The following ZNF841 variants were observed in gnomAD, a reference collection of about 807,000 sequenced individuals.
The protein encoded by ZNF841 is TCONS_00006091.
Under a neutral mutation model 13.0 loss-of-function variants are expected in ZNF841, and 11 were observed. The observed-to-expected ratio is 0.85, with a 90% CI of 0.53 to 1.40. The LOEUF is 1.40. Ranked by LOEUF, ZNF841 falls within the 40% of genes most tolerant of loss-of-function variation. The pLI is 0.00. For missense variants in ZNF841, 1,068 were observed against 1,139.5 expected, an observed-to-expected ratio of 0.94 and a Z score of 0.90; for synonymous variants, 369 against 381.6, an observed-to-expected ratio of 0.97 and a Z score of 0.38.
Position 52,077,081 on chromosome 19 carries a change from A to T in ZNF841, c.19T>A (p.Ser7Thr). The part of the protein sequence containing the change: MALPQG[S>T]LTFRDVAVEF... ...ACAGCCACATCCCTGAATGTCAAAG[A>T]TCCCTGAAATGAAAAACACATTTCA... Residue 7 changes from serine (S) to threonine (T), a missense_variant, in exon 5 of 7, where the codon TCT (serine) becomes ACT (threonine). Physicochemically the swap from Ser to Thr is moderately conservative, Grantham distance 58. Transcript: ENST00000594440. 6.2e-7 allele frequency: 1 copy of T among 1,607,576 alleles called. No individual in the cohort carries two copies. The highest frequency in any genetic ancestry group is 8.5e-7 in the Non-Finnish European group (1 of 1,177,374).
At chr19:52,069,290 G>A (rs1021394037) in intron 6 of ZNF841, among the ~76,000 whole-genome samples, 2 of 152,074 alleles carry the variant, frequency 1.3e-5, no homozygotes, top group South Asian at 4.1e-4. Flanking sequence ...GCCCAGGCTG[G>A]TCTGGAACTC....
the ZNF841 span, among the ~76,000 whole-genome samples, chr19:52,059,370 A>AAAAAAAAAAATATAT: frequency 5.7e-5 from 4 of 69,650 alleles, no homozygotes; most frequent in African/African-American, 2.5e-4. Flanking sequence ...AAAAAAAAAA[A>AAAAAAAAAAATATAT]ATATATATAT....
chr19:52,064,369 A>AC (rs2087467182), downstream of ZNF841: 1 of 124,866 alleles, frequency 8.0e-6, no homozygotes, highest in African/African-American at 4.0e-5. Flanking sequence ...AAAAAAAAAA[A>AC]AAAAAAAAAA....
chr19:52,085,271 T>C (rs952729801), intron 3 of ZNF841, among the ~76,000 whole-genome samples: 1 of 152,132 alleles, frequency 6.6e-6, no homozygotes, highest in African/African-American at 2.4e-5. Flanking sequence ...TAGAATCAAT[T>C]TGGGTACTTT....
Position 52,065,030 on chromosome 19 carries a change from T to C in ZNF841, c.*77A>G, listed in dbSNP as rs2087494685. 1 of 1,303,592 alleles carries C rather than the reference T, an allele frequency of 7.7e-7. No individual in the cohort carries two copies. Among genetic ancestry groups the C allele is most frequent in the South Asian group, 1.7e-5 (1 of 58,646 alleles). The allele number at this position is 1,303,592 out of a possible 1,614,324, so 80.8% of individuals were successfully genotyped here. A position where few individuals can be genotyped will look rare whatever the true frequency, so the allele number is the denominator to read the frequency against. ...ACCTCCCACTAGGCTCCACCTCCAA[T>C]ACTGGAGATTACTACAATTCCACAT... is the stretch of plus-strand genomic sequence containing the variant. On this transcript the variant is annotated 3_prime_UTR_variant, in exon 7 of 7. Coordinates refer to ENST00000594440, the MANE Select transcript of ZNF841 (RefSeq NM_001136499.2).
chr19:52,087,408 T>G (rs1439247986), intron 3 of ZNF841, among the ~76,000 whole-genome samples: 1 of 152,174 alleles, frequency 6.6e-6, no homozygotes, highest in African/African-American at 2.4e-5. Context: ...GTTGTTTCCC[T>G]CTATGTGTCC....
chr19:52,075,489 C>A (rs1341532293), intron 6 of ZNF841, among the ~76,000 whole-genome samples: 1 of 152,146 alleles, frequency 6.6e-6, no homozygotes, highest in Non-Finnish European at 1.5e-5. Context: ...CAAAGAAGAA[C>A]TAAGAAAATG....
chr19:52,060,530 T>TC (rs2087379888), downstream of ZNF841, among the ~76,000 whole-genome samples: 1 of 152,102 alleles, frequency 6.6e-6, no homozygotes, highest in Non-Finnish European at 1.5e-5. Flanking sequence ...TTCCTTTTTT[T>TC]TTTTTTCTGA....
chr19:52,089,596 G>A (rs904036074), intron 2 of ZNF841, among the ~76,000 whole-genome samples: 1 of 152,142 alleles, frequency 6.6e-6, no homozygotes, highest in East Asian at 1.9e-4. Context: ...ACAGTGAGCC[G>A]AGGTCACATC....
intron 4 of ZNF841, among the ~76,000 whole-genome samples, chr19:52,078,801 A>G (rs1169898269): frequency 6.6e-6 from 1 of 152,092 alleles, no homozygotes; most frequent in African/African-American, 2.4e-5. Flanking sequence ...TATCTTATGT[A>G]GAGAAAAGAA....
Position 52,076,879 on chromosome 19 carries a change from G to C in ZNF841, c.142+79C>G, listed in dbSNP as rs1029380869. The stretch of plus-strand genomic sequence containing the variant: ...TTCAGTCTCTGTCAAATAATGTAGG[G>C]CCTCACAAGAAACACAATAAGGAAA... On this transcript the variant is annotated intron_variant, in intron 5 of 6. Coordinates refer to ENST00000594440, the MANE Select transcript of ZNF841 (RefSeq NM_001136499.2). 3.7e-5 allele frequency: 56 copies of C among 1,529,286 alleles called. No homozygotes were observed. The African/African-American group carries it at 7.4e-4, about 20-fold the overall frequency. The allele number at this position is 1,529,286 out of a possible 1,614,324, so 94.7% of individuals were successfully genotyped here.
In ZNF841 at chr19:52,077,015, G is replaced by C; in HGVS notation, c.85C>G (p.Gln29Glu). The stretch of plus-strand genomic sequence containing the variant: ...ATCACGTCCCTGTACAAAGCTTTCT[G>C]AACAGGGTCCAGGCATTTCCACTCC... ...QEEWKCLDPV[Q>E]KALYRDVMLE... is the part of the protein sequence containing the mutation. Residue 29 changes from glutamine (Q) to glutamate (E), a missense_variant, in exon 5 of 7, where the codon CAG becomes GAG. By Grantham distance (29) the Gln-to-Glu change is conservative. Coordinates refer to ENST00000594440, the MANE Select transcript of ZNF841 (RefSeq NM_001136499.2). 1 of 1,613,446 alleles carries C rather than the reference G, an allele frequency of 6.2e-7. No individual in the cohort carries two copies. The highest frequency in any genetic ancestry group is 8.5e-7 in the Non-Finnish European group (1 of 1,179,596).
chr19:52,075,994 C>A (rs181050237), intron 6 of ZNF841, 50 bp downstream of exon 6: 4 of 1,546,142 alleles, frequency 2.6e-6, no homozygotes, highest in Non-Finnish European at 3.5e-6. Flanking sequence ...CAGAGTCTTA[C>A]GCACACAATT....
chr19:52,070,039 A>G (rs1181840011), intron 6 of ZNF841, among the ~76,000 whole-genome samples: 1 of 152,260 alleles, frequency 6.6e-6, no homozygotes, highest in Non-Finnish European at 1.5e-5. Flanking sequence ...TTAACAAACA[A>G]GCACACTAAA....
intron 4 of ZNF841, among the ~76,000 whole-genome samples, chr19:52,078,949 G>A (rs2088001197): frequency 6.6e-6 from 1 of 152,104 alleles, no homozygotes; most frequent in Non-Finnish European, 1.5e-5. Context: ...ATCTCTCAAT[G>A]ACATATTTTT....
At chr19:52,062,924 G>A (rs1027755495), downstream of ZNF841, among the ~76,000 whole-genome samples, 10 of 145,262 alleles carry the variant, frequency 6.9e-5, no homozygotes, top group Admixed American at 2.1e-4. Context: ...CGCCCAGGCT[G>A]GAGTGCAGTG....
intron 6 of ZNF841, among the ~76,000 whole-genome samples, chr19:52,069,875 G>C (rs1412332606): frequency 1.3e-5 from 2 of 152,066 alleles, no homozygotes; most frequent in Non-Finnish European, 2.9e-5. Context: ...TGCTGACTAA[G>C]GTAAAGCCAA....
At chr19:52,073,840 T>C (rs1306379114) in intron 6 of ZNF841, among the ~76,000 whole-genome samples, 2 of 152,136 alleles carry the variant, frequency 1.3e-5, no homozygotes, top group African/African-American at 4.8e-5. Context: ...ACAGTGCAAT[T>C]TGAACAAAAC....
At chr19:52,068,854 C>T (rs2087662927) in intron 6 of ZNF841, among the ~76,000 whole-genome samples, 1 of 151,946 alleles carries the variant, frequency 6.6e-6, no homozygotes, top group Admixed American at 6.6e-5. Flanking sequence ...TGCCTGTAAT[C>T]CCAACTACTC....
Sources: gnomAD v4.1 joint callset for allele counts (sites outside exome capture counted in the v4.1 genomes callset) on GRCh38, gnomAD v4.1.1 for gene constraint, MANE v1.5 for transcripts, NCBI Gene and HGNC (gene_info 2026-07-23, HGNC 2026-07-21) for gene names.